ANKRD45: variants seen among roughly 807,000 people sequenced by gnomAD.
The protein encoded by ANKRD45 is ankyrin repeat domain-containing protein 45.
ANKRD45 carries 21 observed loss-of-function variants against 28.1 expected under a neutral mutation model. The ratio of observed to expected loss-of-function variants is 0.75; its 90% CI spans 0.53 to 1.08. The LOEUF (loss-of-function observed/expected upper bound fraction) is 1.08. ANKRD45 is among the 50% of genes least tolerant of loss of function. ANKRD45 has a pLI of 0.00. For missense variants in ANKRD45, 261 were observed against 308.7 expected (o/e 0.85, Z 1.16); for synonymous variants, 86 against 103.9 (o/e 0.83, Z 1.05).
intron 3 of ANKRD45, among the ~76,000 whole-genome samples, chr1:173,639,731 T>G (rs1057023888): frequency 6.6e-6 from 1 of 152,204 alleles, no homozygotes; most frequent in Non-Finnish European, 1.5e-5. Context: ...CTGAAATGAC[T>G]CCAATCGTTT....
intron 5 of ANKRD45, among the ~76,000 whole-genome samples, chr1:173,619,710 C>T (rs1041886396): frequency 2.6e-5 from 4 of 151,922 alleles, no homozygotes; most frequent in South Asian, 2.1e-4. Flanking sequence ...CACCTGTAAT[C>T]CCAGCCACTC....
At chr1:173,611,083 C>T (rs1667127074) in intron 5 of ANKRD45, among the ~76,000 whole-genome samples, 1 of 152,128 alleles carries the variant, frequency 6.6e-6, no homozygotes, top group Non-Finnish European at 1.5e-5. Flanking sequence ...TTTGCAAAAA[C>T]TCTATTTTCT....
chr1:173,689,426 T>TC, the ANKRD45 span, among the ~76,000 whole-genome samples: 1 of 152,208 alleles, frequency 6.6e-6, no homozygotes, highest in Admixed American at 6.5e-5. Flanking sequence ...TCTTTTTTTT[T>TC]CTCTTTTTCT....
At chr1:173,673,580 A>G (rs569814783), upstream of ANKRD45, among the ~76,000 whole-genome samples, 6 of 151,148 alleles carry the variant, frequency 4.0e-5, 1 homozygote, top group African/African-American at 1.5e-4. Context: ...TGATTCATAT[A>G]AATTATCTCT....
intron 5 of ANKRD45, among the ~76,000 whole-genome samples, chr1:173,620,019 C>A (rs775300253): frequency 6.6e-6 from 1 of 152,054 alleles, no homozygotes; most frequent in Non-Finnish European, 1.5e-5. Flanking sequence ...GACTTTAACA[C>A]CCCACTGACA....
chr1:173,671,572 A>T (rs545830336), upstream of ANKRD45, among the ~76,000 whole-genome samples: 22 of 152,230 alleles, frequency 1.4e-4, 1 homozygote, highest in African/African-American at 5.1e-4. Context: ...GAAGTATGCC[A>T]CCATATAAAA....
the ANKRD45 span, among the ~76,000 whole-genome samples, chr1:173,683,379 A>G: frequency 6.6e-6 from 1 of 152,196 alleles, no homozygotes; most frequent in Non-Finnish European, 1.5e-5. Context: ...CTCCATCATC[A>G]TGGAAGCAGA....
chr1:173,699,922 G>T, the ANKRD45 span, among the ~76,000 whole-genome samples: 1 of 151,984 alleles, frequency 6.6e-6, no homozygotes, highest in Non-Finnish European at 1.5e-5. Context: ...TTAGAAAACC[G>T]CATCATCTCA....
At chr1:173,624,683 C>G in intron 5 of ANKRD45, 104 bp downstream of exon 5, 4 of 1,185,444 alleles carry the variant, frequency 3.4e-6, no homozygotes, top group Non-Finnish European at 4.7e-6. Flanking sequence ...ATGTTAATAA[C>G]TACTTAATGA....
At chr1:173,687,370 C>G in the ANKRD45 span, among the ~76,000 whole-genome samples, 1 of 151,898 alleles carries the variant, frequency 6.6e-6, no homozygotes, top group East Asian at 1.9e-4. Context: ...TGACTTGTCA[C>G]AAACATCCCT....
chr1:173,610,064 T>A lies in ANKRD45; in HGVS notation c.*81A>T. 1.5e-6 allele frequency: 2 copies of A among 1,358,794 alleles called. No homozygotes were observed. Among genetic ancestry groups the A allele is most frequent in the South Asian group, 2.4e-5 (2 of 82,436 alleles). The allele number at this position is 1,358,794 out of a possible 1,614,324, so 84.2% of individuals were successfully genotyped here. A position where few individuals can be genotyped will look rare whatever the true frequency, so the allele number is the denominator to read the frequency against. ...TTAAATACTTAAAGAAACCCACATC[T>A]GTTTTCTCGATTTCAAATGGCATGA... On this transcript the variant is annotated 3_prime_UTR_variant, in exon 6 of 6. Transcript: ENST00000333279.
intron 5 of ANKRD45, among the ~76,000 whole-genome samples, chr1:173,616,115 A>G (rs1667459189): frequency 6.6e-6 from 1 of 152,062 alleles, no homozygotes; most frequent in Non-Finnish European, 1.5e-5. Flanking sequence ...AAAAAAAAAA[A>G]TAGATTAAAT....
Position 173,630,818 on chromosome 1 carries a change from T to TAA in ANKRD45, c.497-3661_497-3660dup, listed in dbSNP as rs60007196. 4.2e-3 allele frequency among the ~76,000 whole-genome samples: 121 copies of TAA among 28,948 alleles called. 1 individual carries two copies. The highest frequency in any genetic ancestry group is 6.6e-3 in the Non-Finnish European group (87 of 13,206). 19.0% of individuals were successfully genotyped at this position (28,948 alleles called of 152,430 possible). A position where few individuals can be genotyped will look rare whatever the true frequency, so the allele number is the denominator to read the frequency against. On this transcript the variant is annotated intron_variant, in intron 3 of 5. Transcript: ENST00000333279. ...CTGGGTGACAGAGTAAGACTCTGTC[T>TAA]AAAAAAAAAAAAAAAAAAAAAAAAA...
chr1:173,638,667 G>A (rs555005189), intron 3 of ANKRD45, among the ~76,000 whole-genome samples: 1 of 152,302 alleles, frequency 6.6e-6, no homozygotes, highest in African/African-American at 2.4e-5. Context: ...AACCTTTGGG[G>A]GGAGATTAAC....
chr1:173,708,506 C>A, the ANKRD45 span, among the ~76,000 whole-genome samples: 2 of 152,200 alleles, frequency 1.3e-5, no homozygotes, highest in East Asian at 3.8e-4. Context: ...TGATCTGGGG[C>A]CTCCCAGCCT....
the ANKRD45 span, among the ~76,000 whole-genome samples, chr1:173,688,685 CCT>C: frequency 7.6e-6 from 1 of 132,308 alleles, no homozygotes; most frequent in South Asian, 2.5e-4. Flanking sequence ...TCTCTTTCTG[CCT>C]CTTTCCTCTC....
At chr1:173,617,426 A>C (rs2102315216) in intron 5 of ANKRD45, among the ~76,000 whole-genome samples, 1 of 152,320 alleles carries the variant, frequency 6.6e-6, no homozygotes, top group South Asian at 2.1e-4. Context: ...TGTTCAACTC[A>C]GCCCTTCTAG....
chr1:173,706,192 CT>C, the ANKRD45 span, among the ~76,000 whole-genome samples: 1 of 150,696 alleles, frequency 6.6e-6, no homozygotes, highest in Non-Finnish European at 1.5e-5. Flanking sequence ...ATCCCAGCTA[CT>C]CAGGAGGCTG....
the ANKRD45 span, chr1:173,675,346 C>T: frequency 5.8e-6 from 2 of 347,206 alleles, no homozygotes; most frequent in East Asian, 1.3e-4. Flanking sequence ...GTCACGGTGG[C>T]TCATGTCTGT....
Sources: gnomAD v4.1 joint callset for allele counts (sites outside exome capture counted in the v4.1 genomes callset) on GRCh38, gnomAD v4.1.1 for gene constraint, MANE v1.5 for transcripts, NCBI Gene and HGNC (gene_info 2026-07-23, HGNC 2026-07-21) for gene names.